Variants in MAPRE2 observed in about 807,000 individuals in gnomAD.
MAPRE2 encodes microtubule-associated protein RP/EB family member 2.
A neutral mutation model predicts 43.2 loss-of-function variants in MAPRE2; 13 were observed. The ratio of observed to expected loss-of-function variants is 0.30; its 90% confidence interval spans 0.20 to 0.48. The LOEUF (loss-of-function observed/expected upper bound fraction) is 0.48, where lower values mean the gene tolerates loss of function less well. Ranked by LOEUF, MAPRE2 falls within the 20% of genes least tolerant of loss-of-function variation. MAPRE2 has a pLI of 0.99. For missense variants in MAPRE2, 161 were observed against 400.2 expected, an observed-to-expected ratio of 0.40 and a Z score of 5.10; for synonymous variants, 135 against 148.8, an observed-to-expected ratio of 0.91 and a Z score of 0.68.
At chr18:35,128,765 T>C (rs73946531) in intron 5 of MAPRE2, among the ~76,000 whole-genome samples, 2,073 of 152,278 alleles carry the variant, frequency 0.014, 48 homozygotes, top group African/African-American at 0.047. Flanking sequence ...CTTTCTTATC[T>C]TGTGTTTCTT....
chr18:35,095,537 T>C (rs1434652878), intron 2 of MAPRE2, among the ~76,000 whole-genome samples: 2 of 151,390 alleles, frequency 1.3e-5, no homozygotes, highest in African/African-American at 2.4e-5. Flanking sequence ...TTTTTTTTTT[T>C]CAAAAGCTGT....
chr18:35,114,510 A>G (rs1475450160), intron 4 of MAPRE2, among the ~76,000 whole-genome samples: 1 of 152,206 alleles, frequency 6.6e-6, no homozygotes, highest in African/African-American at 2.4e-5. Context: ...TTAGCTCAAA[A>G]GCAGAAGTGT....
intron 1 of MAPRE2, chr18:34,978,572 C>T: frequency 1.3e-6 from 2 of 1,550,780 alleles, no homozygotes; most frequent in Non-Finnish European, 1.7e-6. Context: ...ATTTCCCCTG[C>T]TTCTCCTGAA....
intron 1 of MAPRE2, among the ~76,000 whole-genome samples, chr18:35,003,210 T>C (rs991263670): frequency 3.3e-5 from 5 of 152,206 alleles, no homozygotes; most frequent in African/African-American, 1.2e-4. Context: ...CTGGGACTTC[T>C]TGAGCACCTA....
intron 4 of MAPRE2, among the ~76,000 whole-genome samples, chr18:35,109,778 C>G (rs1210336131): frequency 6.6e-6 from 1 of 152,008 alleles, no homozygotes; most frequent in African/African-American, 2.4e-5. Context: ...ATAATCTTTA[C>G]TGTTTAATTG....
At chr18:35,004,453 C>T (rs1438107299) in intron 1 of MAPRE2, among the ~76,000 whole-genome samples, 1 of 152,192 alleles carries the variant, frequency 6.6e-6, no homozygotes, top group Non-Finnish European at 1.5e-5. Context: ...CCAGTTGAAA[C>T]ATAGCAACCT....
intron 3 of MAPRE2, among the ~76,000 whole-genome samples, chr18:35,098,969 C>T (rs1401296535): frequency 2.0e-5 from 3 of 152,216 alleles, no homozygotes; most frequent in Admixed American, 6.5e-5. Context: ...TGAGAGACAG[C>T]ATTAAGTACC....
intron 1 of MAPRE2, among the ~76,000 whole-genome samples, chr18:34,995,575 C>T (rs1217541294): frequency 1.3e-5 from 2 of 152,090 alleles, no homozygotes; most frequent in Non-Finnish European, 2.9e-5. Context: ...CCCTAAGAAC[C>T]TGGAACTCTG....
chr18:35,039,518 G>T (rs1568979697), upstream of MAPRE2, among the ~76,000 whole-genome samples: 1 of 152,232 alleles, frequency 6.6e-6, no homozygotes, highest in East Asian at 1.9e-4. Context: ...CTTGTGCACT[G>T]TGGACTAACT....
chr18:34,991,128 G>A (rs977817936), intron 1 of MAPRE2, among the ~76,000 whole-genome samples: 1 of 152,120 alleles, frequency 6.6e-6, no homozygotes, highest in African/African-American at 2.4e-5. Flanking sequence ...CTGGTAATGA[G>A]CATAGTATCC....
chr18:34,986,610 A>G (rs1211511684), intron 1 of MAPRE2, among the ~76,000 whole-genome samples: 1 of 152,170 alleles, frequency 6.6e-6, no homozygotes, highest in Non-Finnish European at 1.5e-5. Flanking sequence ...ACAAATTAGC[A>G]GCAGTAATAA....
intron 1 of MAPRE2, among the ~76,000 whole-genome samples, chr18:34,980,217 G>T (rs1402585973): frequency 6.6e-6 from 1 of 151,518 alleles, no homozygotes; most frequent in Admixed American, 6.6e-5. Flanking sequence ...TAGAGATGGG[G>T]TTTCACCATG....
At chr18:34,993,454 A>G (rs1002012707) in intron 1 of MAPRE2, among the ~76,000 whole-genome samples, 2 of 152,096 alleles carry the variant, frequency 1.3e-5, no homozygotes, top group Non-Finnish European at 2.9e-5. Context: ...AAGAACAAGA[A>G]GAAAATAGAC....
chr18:35,129,666 G>A (rs1019618657), intron 5 of MAPRE2, among the ~76,000 whole-genome samples: 4 of 152,202 alleles, frequency 2.6e-5, no homozygotes, highest in South Asian at 4.1e-4. Context: ...CGCTCGGAGC[G>A]CGGGTGGGGC....
intron 1 of MAPRE2, among the ~76,000 whole-genome samples, chr18:35,066,793 C>T (rs1292070571): frequency 6.6e-6 from 1 of 152,182 alleles, no homozygotes; most frequent in Non-Finnish European, 1.5e-5. Flanking sequence ...GAAAAGCTGG[C>T]TTGTTTGGGT....
intron 1 of MAPRE2, among the ~76,000 whole-genome samples, chr18:34,979,762 T>TA (rs1159084566): frequency 1.3e-5 from 2 of 152,204 alleles, no homozygotes; most frequent in Non-Finnish European, 2.9e-5. Context: ...ACATTTTATA[T>TA]AAAACCTCAT....
intron 1 of MAPRE2, among the ~76,000 whole-genome samples, chr18:35,001,411 G>C (rs1443558616): frequency 6.6e-6 from 1 of 152,132 alleles, no homozygotes; most frequent in East Asian, 1.9e-4. Flanking sequence ...CTACGCGGGA[G>C]GTTGAGGCAC....
intron 6 of MAPRE2, among the ~76,000 whole-genome samples, chr18:35,137,252 C>CA (rs1215736408): frequency 6.6e-6 from 1 of 152,192 alleles, no homozygotes; most frequent in Non-Finnish European, 1.5e-5. Flanking sequence ...CATGACATCA[C>CA]AGAGGGGTCC....
chr18:35,048,033 G>A (rs1177991107), intron 1 of MAPRE2, among the ~76,000 whole-genome samples: 1 of 152,180 alleles, frequency 6.6e-6, no homozygotes, highest in Non-Finnish European at 1.5e-5. Context: ...AAGACAACAT[G>A]GCAAGAGGTT....
Sources: allele counts gnomAD v4.1 joint callset (sites outside exome capture counted in the v4.1 genomes callset), GRCh38; gene constraint gnomAD v4.1.1; transcripts MANE v1.5; gene names NCBI Gene and HGNC (gene_info 2026-07-23, HGNC 2026-07-21).